EDIL3: variants seen among roughly 807,000 people sequenced by gnomAD.
The protein encoded by EDIL3 is EGF like and discoidin domains 3.
In EDIL3, 37 loss-of-function variants were observed where a neutral mutation model predicts 67.4. The ratio of observed to expected loss-of-function variants is 0.55; its 90% CI spans 0.42 to 0.72. The LOEUF is 0.72. EDIL3 is among the 30% of genes least tolerant of loss of function. The pLI is 0.00. For missense variants in EDIL3, 527 were observed against 586.3 expected (o/e 0.90, Z 1.04); for synonymous variants, 195 against 196.3 (o/e 0.99, Z 0.05).
chr5:84,251,468 T>C (rs1318393673), intron 2 of EDIL3, among the ~76,000 whole-genome samples: 1 of 151,960 alleles, frequency 6.6e-6, no homozygotes, highest in East Asian at 1.9e-4. Flanking sequence ...ATCTAATGTT[T>C]GAAATATTTG....
intron 1 of EDIL3, among the ~76,000 whole-genome samples, chr5:84,361,102 C>T (rs907445979): frequency 2.0e-5 from 3 of 151,540 alleles, no homozygotes; most frequent in Non-Finnish European, 2.9e-5. Context: ...TGCAAGTGAG[C>T]GTTAATAAAA....
intron 1 of EDIL3, among the ~76,000 whole-genome samples, chr5:84,317,472 G>A (rs1032344219): frequency 6.6e-6 from 1 of 152,002 alleles, no homozygotes; most frequent in Non-Finnish European, 1.5e-5. Context: ...ACACCTGTAA[G>A]CAAATAAACT....
intron 5 of EDIL3, among the ~76,000 whole-genome samples, chr5:84,125,497 T>C (rs1747853691): frequency 6.6e-6 from 1 of 152,040 alleles, no homozygotes; most frequent in African/African-American, 2.4e-5. Context: ...CCGGGAAGCA[T>C]ACACTTCCTT....
At chr5:84,088,546 A>G (rs779912351) in intron 6 of EDIL3, among the ~76,000 whole-genome samples, 15 of 150,714 alleles carry the variant, frequency 1.0e-4, no homozygotes, top group Non-Finnish European at 2.1e-4. Context: ...ATCTCTTAAC[A>G]ACACTAATGA....
chr5:84,236,069 T>A (rs1017632160), intron 2 of EDIL3, among the ~76,000 whole-genome samples: 5 of 152,036 alleles, frequency 3.3e-5, no homozygotes, highest in Admixed American at 2.0e-4. Flanking sequence ...ATACAGTGAA[T>A]CATTTTAACA....
intron 4 of EDIL3, among the ~76,000 whole-genome samples, chr5:84,153,638 T>G (rs1177483997): frequency 6.6e-6 from 1 of 152,048 alleles, no homozygotes; most frequent in African/African-American, 2.4e-5. Context: ...AATTTTTGTA[T>G]TTTTAGTAGA....
intron 1 of EDIL3, among the ~76,000 whole-genome samples, chr5:84,367,026 T>C (rs992517694): frequency 5.3e-5 from 8 of 152,198 alleles, no homozygotes; most frequent in Admixed American, 5.2e-4. Flanking sequence ...CAAGTACTAC[T>C]GACACACTAA....
At chr5:84,323,648 T>C (rs1342705342) in intron 1 of EDIL3, among the ~76,000 whole-genome samples, 1 of 151,832 alleles carries the variant, frequency 6.6e-6, no homozygotes, top group Non-Finnish European at 1.5e-5. Flanking sequence ...AACAAAATGT[T>C]CCAACTAAAT....
At chr5:84,162,523 C>CT (rs779401046) in intron 4 of EDIL3, among the ~76,000 whole-genome samples, 1 of 152,008 alleles carries the variant, frequency 6.6e-6, no homozygotes, top group Non-Finnish European at 1.5e-5. Flanking sequence ...TTTGTGGGCT[C>CT]TTTTTTTCCT....
chr5:83,995,948 A>G (rs1189094315), intron 9 of EDIL3, among the ~76,000 whole-genome samples: 2 of 152,216 alleles, frequency 1.3e-5, no homozygotes, highest in African/African-American at 4.8e-5. Flanking sequence ...TCAATTAGGA[A>G]GCATAAAGTA....
At chr5:84,259,881 A>T (rs181402472) in intron 1 of EDIL3, among the ~76,000 whole-genome samples, 42 of 152,296 alleles carry the variant, frequency 2.8e-4, no homozygotes, top group Non-Finnish European at 5.0e-4. Flanking sequence ...AAAACCGAAA[A>T]GCCTAAAATA....
chr5:84,314,896 A>G (rs2112147904), intron 1 of EDIL3, among the ~76,000 whole-genome samples: 1 of 152,256 alleles, frequency 6.6e-6, no homozygotes, highest in Admixed American at 6.5e-5. Context: ...CCCAAAAACT[A>G]TTTAAAATAT....
intron 8 of EDIL3, among the ~76,000 whole-genome samples, chr5:84,063,007 G>C (rs1746571753): frequency 6.6e-6 from 1 of 152,130 alleles, no homozygotes; most frequent in Non-Finnish European, 1.5e-5. Context: ...CTCTCTGCAT[G>C]CAAGTTCAAA....
chr5:84,014,397 A>G (rs1361307628), intron 9 of EDIL3, among the ~76,000 whole-genome samples: 1 of 152,226 alleles, frequency 6.6e-6, no homozygotes, highest in Non-Finnish European at 1.5e-5. Flanking sequence ...CTGTAATCCC[A>G]GCATTTTGGG....
chr5:84,128,235 GC>G (rs1747900677), intron 5 of EDIL3, among the ~76,000 whole-genome samples: 2 of 152,190 alleles, frequency 1.3e-5, no homozygotes, highest in South Asian at 4.1e-4. Flanking sequence ...AGGAAATCAT[GC>G]CATCGTTTGA....
chr5:84,238,572 A>T lies in EDIL3; in HGVS notation c.197-8688T>A, dbSNP rs527278820. On this transcript the variant is annotated intron_variant, in intron 2 of 10. Transcript: ENST00000296591. ...ATTTCTGCTTGATTACGTAGAGCTA[A>T]TCTAATGTGCTACTGCCTTTATGTA... Among the ~76,000 whole-genome samples, 316 of 151,666 alleles carry T rather than the reference A, an allele frequency of 2.1e-3. 2 individuals are homozygous for T. The highest frequency in any genetic ancestry group is 3.4e-3 in the Middle Eastern group (1 of 294).
intron 6 of EDIL3, among the ~76,000 whole-genome samples, chr5:84,089,242 A>C (rs1262268008): frequency 6.6e-6 from 1 of 152,178 alleles, no homozygotes; most frequent in African/African-American, 2.4e-5. Context: ...CATTTAATCC[A>C]CTTCCACTCT....
intron 1 of EDIL3, among the ~76,000 whole-genome samples, chr5:84,263,791 G>T (rs970174014): frequency 6.6e-6 from 1 of 152,202 alleles, no homozygotes; most frequent in Non-Finnish European, 1.5e-5. Flanking sequence ...CTACTAGAAA[G>T]AAGTGGTTAA....
At chr5:84,013,867 A>G (rs1475434775) in intron 9 of EDIL3, among the ~76,000 whole-genome samples, 1 of 152,212 alleles carries the variant, frequency 6.6e-6, no homozygotes, top group Non-Finnish European at 1.5e-5. Context: ...AGTCATTTAA[A>G]TTAATTTGGT....
Sources: gnomAD v4.1 joint callset for allele counts (sites outside exome capture counted in the v4.1 genomes callset) on GRCh38, gnomAD v4.1.1 for gene constraint, MANE v1.5 for transcripts, NCBI Gene and HGNC (gene_info 2026-07-23, HGNC 2026-07-21) for gene names.